TTC7B: variants seen among roughly 807,000 people sequenced by gnomAD.
TTC7B encodes tetratricopeptide repeat protein 7B.
TTC7B carries 28 observed loss-of-function variants against 106.8 expected under a neutral mutation model. The observed-to-expected ratio is 0.26, with a 90% confidence interval of 0.19 to 0.36. The LOEUF (loss-of-function observed/expected upper bound fraction) is 0.36, where lower values mean the gene tolerates loss of function less well. TTC7B is among the 10% of genes least tolerant of loss of function. TTC7B has a pLI of 1.00. For synonymous variants in TTC7B, 405 were observed against 430.6 expected, an observed-to-expected ratio of 0.94 and a Z score of 0.74; for missense variants, 862 against 1,076.4, an observed-to-expected ratio of 0.80 and a Z score of 2.79.
chr14:90,799,848 G>T (rs568544103), intron 1 of TTC7B, among the ~76,000 whole-genome samples: 2 of 151,232 alleles, frequency 1.3e-5, no homozygotes, highest in African/African-American at 4.9e-5. Flanking sequence ...GTTTTTTTTT[G>T]AGACGGAGTC....
At chr14:90,582,288 C>T (rs148744663) in intron 18 of TTC7B, among the ~76,000 whole-genome samples, 212 of 152,332 alleles carry the variant, frequency 1.4e-3, no homozygotes, top group Non-Finnish European at 2.6e-3. Context: ...GTCATGAGAA[C>T]ATGGAGAACT....
At chr14:90,765,275 G>A (rs1890636687) in intron 3 of TTC7B, among the ~76,000 whole-genome samples, 1 of 152,192 alleles carries the variant, frequency 6.6e-6, no homozygotes, top group African/African-American at 2.4e-5. Context: ...ACAGGGTATA[G>A]ATTAGTGGTT....
chr14:90,619,247 T>C (rs1893212234), intron 15 of TTC7B, among the ~76,000 whole-genome samples: 1 of 152,214 alleles, frequency 6.6e-6, no homozygotes, highest in Non-Finnish European at 1.5e-5. Context: ...ACTTATACTG[T>C]CTGTAATAAT....
chr14:90,804,078 G>A (rs1482783006), intron 1 of TTC7B, among the ~76,000 whole-genome samples: 3 of 152,174 alleles, frequency 2.0e-5, no homozygotes, highest in East Asian at 3.9e-4. Flanking sequence ...GCTCACGCCT[G>A]TAATCCCAGC....
intron 5 of TTC7B, among the ~76,000 whole-genome samples, chr14:90,702,847 G>T (rs776945928): frequency 6.6e-6 from 1 of 152,162 alleles, no homozygotes; most frequent in African/African-American, 2.4e-5. Context: ...TGCCCCTGAC[G>T]GGGGCAGGGG....
At chr14:90,745,827 C>T (rs1204798394) in intron 3 of TTC7B, among the ~76,000 whole-genome samples, 3 of 151,752 alleles carry the variant, frequency 2.0e-5, no homozygotes, top group Non-Finnish European at 4.4e-5. Flanking sequence ...GTCTCAGCCT[C>T]CCAGGTAGCT....
chr14:90,633,929 C>A (rs1163505476), intron 15 of TTC7B, among the ~76,000 whole-genome samples: 1 of 151,612 alleles, frequency 6.6e-6, no homozygotes, highest in Non-Finnish European at 1.5e-5. Flanking sequence ...GGCTGGAGTG[C>A]AGTGGCGCGG....
At chr14:90,745,150 G>A (rs991927061) in intron 3 of TTC7B, among the ~76,000 whole-genome samples, 1 of 151,992 alleles carries the variant, frequency 6.6e-6, no homozygotes, top group African/African-American at 2.4e-5. Flanking sequence ...GACAGCAACC[G>A]CCAGCTGTGG....
At position 90,816,282 on chromosome 14, in the gene TTC7B, T is replaced by C; in HGVS notation, c.14A>G (p.Lys5Arg). The C allele has an allele frequency of 8.2e-7, 1 of 1,226,768 alleles. No individual in the cohort carries two copies. The highest frequency in any genetic ancestry group is 1.0e-6 in the Non-Finnish European group (1 of 953,318). The allele number at this position is 1,226,768 out of a possible 1,614,324, so 76.0% of individuals were successfully genotyped here. The change falls in exon 1 of 20, where the codon AAG (lysine) becomes AGG (arginine). Residue 5 changes from lysine to arginine, a missense_variant. Physicochemically the swap from Lys to Arg is conservative, Grantham distance 26. Transcript: ENST00000328459. The stretch of plus-strand genomic sequence containing the variant: ...CTCCGTCTCCAGCCGCGAGCCTGCC[T>C]TCTTGGTCGCCATCGCGGCCTGGCC... MATKKAGSRLETEIE... is the reference protein window; with the variant it reads MATKRAGSRLETEIE...
intron 8 of TTC7B, among the ~76,000 whole-genome samples, chr14:90,677,523 C>T (rs997297804): frequency 6.6e-6 from 1 of 152,170 alleles, no homozygotes; most frequent in African/African-American, 2.4e-5. Flanking sequence ...TCCTCTTTTC[C>T]CTAATAGGAA....
chr14:90,578,077 A>T lies in TTC7B; in HGVS notation c.2310+29T>A. On this transcript the variant is annotated intron_variant, in intron 19 of 19. Coordinates refer to ENST00000328459, the MANE Select transcript of TTC7B (RefSeq NM_001010854.2). The surrounding 1 kb of genome is among the most constrained non-coding windows in gnomAD (Gnocchi z 4.7). ...CCAAGGGCTGTCCCCATGCCAGAGT[A>T]GGGGCCACCGCCGGGCTCGTGGACT... 2 of 1,581,696 alleles carry T rather than the reference A, an allele frequency of 1.3e-6. No homozygotes were observed. The highest frequency in any genetic ancestry group is 1.1e-5 in the South Asian group (1 of 87,108).
At chr14:90,573,543 T>G (rs1196810120) in intron 19 of TTC7B, among the ~76,000 whole-genome samples, 1 of 98,372 alleles carries the variant, frequency 1.0e-5, no homozygotes, top group Non-Finnish European at 2.2e-5. Context: ...CAGCTCACGG[T>G]CCCTCTCCGG....
chr14:90,609,537 C>T (rs1303827945), intron 17 of TTC7B, among the ~76,000 whole-genome samples: 3 of 152,180 alleles, frequency 2.0e-5, no homozygotes, highest in African/African-American at 4.8e-5. Context: ...CCTGGCAGTG[C>T]AAGACTCAGA....
chr14:90,630,456 A>G (rs1298189907), intron 15 of TTC7B, among the ~76,000 whole-genome samples: 1 of 152,222 alleles, frequency 6.6e-6, no homozygotes, highest in African/African-American at 2.4e-5. Flanking sequence ...AAGGGAGCTC[A>G]GAAAGTTTCG....
chr14:90,693,158 T>C (rs34328807), intron 6 of TTC7B, among the ~76,000 whole-genome samples: 28,725 of 152,030 alleles, frequency 0.19, 2,868 homozygotes, highest in East Asian at 0.3. Context: ...AAAAGATAAA[T>C]TGCAATCTTA....
At chr14:90,551,852 T>G (rs1890093558) in intron 19 of TTC7B, among the ~76,000 whole-genome samples, 2 of 152,200 alleles carry the variant, frequency 1.3e-5, no homozygotes, top group South Asian at 2.1e-4. Context: ...GGGGCAGCCC[T>G]GAGCCCCACC....
chr14:90,715,726 G>A (rs974206732), intron 5 of TTC7B, among the ~76,000 whole-genome samples: 3 of 152,086 alleles, frequency 2.0e-5, no homozygotes, highest in Non-Finnish European at 4.4e-5. Flanking sequence ...TGCCTCTCAC[G>A]AGCACGTAAA....
intron 14 of TTC7B, chr14:90,644,838 A>C (rs1488873074): frequency 6.6e-6 from 1 of 152,286 alleles, no homozygotes; most frequent in East Asian, 1.9e-4. Flanking sequence ...ACAACCCAAA[A>C]TAAGTTGATC....
Position 90,529,762 on chromosome 14 carries a change from T to C in TTC7B, c.*11606A>G, listed in dbSNP as rs1889238866. The stretch of plus-strand genomic sequence containing the variant: ...TAATAAATGCTCAATAATTGTGAGC[T>C]GGCATTACCCATTCCATTGTATGTG... On this transcript the variant is annotated 3_prime_UTR_variant, in exon 20 of 20. Transcript: ENST00000328459. 6.6e-6 allele frequency: 1 copy of C among 152,222 alleles called. No individual in the cohort carries two copies. Among genetic ancestry groups the C allele is most frequent in the Admixed American group, 6.5e-5 (1 of 15,282 alleles). The allele number at this position is 152,222 out of a possible 1,614,324, so 9.4% of individuals were successfully genotyped here.
Sources: allele counts gnomAD v4.1 joint callset (sites outside exome capture counted in the v4.1 genomes callset), GRCh38; gene constraint gnomAD v4.1.1; non-coding constraint Gnocchi (gnomAD v3.1); transcripts MANE v1.5; gene names NCBI Gene and HGNC (gene_info 2026-07-23, HGNC 2026-07-21).